RYR2: variants seen among roughly 807,000 people sequenced by gnomAD.
RYR2 encodes the protein cardiac muscle ryanodine receptor-calcium release channel.
RYR2 carries 227 observed loss-of-function variants against 601.1 expected under a neutral mutation model. The observed-to-expected ratio is 0.38, with a 90% CI of 0.34 to 0.42. RYR2 has a LOEUF of 0.42. RYR2 is among the 10% of genes least tolerant of loss of function. The probability of loss-of-function intolerance (pLI) is 1.00; values close to 1 mark genes in which losing one functional copy is unlikely to be tolerated. For missense variants in RYR2, 4,646 were observed against 6,156.5 expected (o/e 0.75, Z 8.21); for synonymous variants, 2,223 against 2,175.1 (o/e 1.02, Z -0.61).
chr1:237,061,275 TCATC>T (rs1368738837), intron 1 of RYR2, among the ~76,000 whole-genome samples: 1 of 119,772 alleles, frequency 8.3e-6, no homozygotes, highest in African/African-American at 3.2e-5. Flanking sequence ...TATCCATCTA[TCATC>T]TATCTATCTA....
In RYR2 at chr1:237,819,604, G is replaced by A. The variant is rs939206663; in HGVS notation, c.14590+412G>A. Among the ~76,000 whole-genome samples, 4 of 152,050 alleles carry A rather than the reference G, an allele frequency of 2.6e-5. No homozygotes were observed. The stretch of plus-strand genomic sequence containing the variant: ...GAGGCTGAAGGGGGATGGATCACTT[G>A]AGGTCAGGAGCTCGAGACCAGCCTG... On this transcript the variant is annotated intron_variant, in intron 101 of 104. Transcript: ENST00000366574. The surrounding 1 kb of genome is among the most constrained non-coding windows in gnomAD (Gnocchi z 4.0).
At chr1:237,407,639 C>T (rs1339226037) in intron 10 of RYR2, among the ~76,000 whole-genome samples, 15 of 136,654 alleles carry the variant, frequency 1.1e-4, no homozygotes, top group Middle Eastern at 3.9e-3. Context: ...TAAATTGAGA[C>T]GGAGTCTGGC....
intron 2 of RYR2, among the ~76,000 whole-genome samples, chr1:237,292,378 G>A (rs1025002568): frequency 2.0e-5 from 3 of 152,156 alleles, no homozygotes; most frequent in Non-Finnish European, 4.4e-5. Context: ...ATATAAATGT[G>A]TGTACAGGAA....
At chr1:237,089,625 C>T (rs1420218420) in intron 1 of RYR2, among the ~76,000 whole-genome samples, 5 of 152,138 alleles carry the variant, frequency 3.3e-5, no homozygotes, top group South Asian at 2.1e-4. Context: ...TACTTTTAGC[C>T]AATAGAATTG....
intron 1 of RYR2, among the ~76,000 whole-genome samples, chr1:237,061,236 T>C (rs1157147806): frequency 6.8e-6 from 1 of 146,564 alleles, no homozygotes; most frequent in Non-Finnish European, 1.5e-5. Flanking sequence ...TATCTATCTA[T>C]CTATCTATCT....
At chr1:237,638,522 G>C (rs1381759828) in intron 45 of RYR2, 30 bp downstream of exon 45, 1 of 1,610,648 alleles carries the variant, frequency 6.2e-7, no homozygotes, top group Non-Finnish European at 8.5e-7. Context: ...GGTCTTTTGA[G>C]TTATCATTAA....
At chr1:237,339,621 T>A (rs562093465) in intron 3 of RYR2, among the ~76,000 whole-genome samples, 91 of 152,226 alleles carry the variant, frequency 6.0e-4, no homozygotes, top group African/African-American at 2.0e-3. Flanking sequence ...ATATGGTTTT[T>A]AAAAAATCAG....
At chr1:237,181,753 G>C (rs1437002090) in intron 1 of RYR2, among the ~76,000 whole-genome samples, 1 of 152,302 alleles carries the variant, frequency 6.6e-6, no homozygotes, top group South Asian at 2.1e-4. Flanking sequence ...ATGTAAAGTA[G>C]GTTCTGTATG....
At chr1:237,568,324 T>G (rs1672309825) in intron 28 of RYR2, among the ~76,000 whole-genome samples, 1 of 152,196 alleles carries the variant, frequency 6.6e-6, no homozygotes, top group African/African-American at 2.4e-5. Flanking sequence ...TCTGGTAACG[T>G]ACCGATTCAC....
At chr1:237,046,444 A>G (rs527738356) in intron 1 of RYR2, among the ~76,000 whole-genome samples, 9 of 152,356 alleles carry the variant, frequency 5.9e-5, no homozygotes, top group African/African-American at 2.2e-4. Context: ...AAAAGATGGA[A>G]TGAGCAGTGG....
At chr1:237,250,475 A>G (rs1440944624) in intron 1 of RYR2, among the ~76,000 whole-genome samples, 1 of 152,174 alleles carries the variant, frequency 6.6e-6, no homozygotes, top group Non-Finnish European at 1.5e-5. Context: ...ATAGTCTCTC[A>G]TTTAAAGGGA....
In RYR2 at chr1:237,287,048, T is replaced by C. The variant is rs190110925; in HGVS notation, c.168+16432T>C. Among the ~76,000 whole-genome samples, 465 of 152,304 alleles carry C rather than the reference T, an allele frequency of 3.1e-3. 2 individuals are homozygous for C. Among genetic ancestry groups the C allele is most frequent in the African/African-American group, 0.01 (430 of 41,568 alleles). ...TGAATTCTCTCAGCATTTGTTTGTC[T>C]GAAAAAGACTGTATCTTTCCTTCAT... On this transcript the variant is annotated intron_variant, in intron 2 of 104. Coordinates refer to ENST00000366574, the MANE Select transcript of RYR2 (RefSeq NM_001035.3).
chr1:237,355,038 G>A (rs1451268526), intron 3 of RYR2, among the ~76,000 whole-genome samples: 2 of 152,010 alleles, frequency 1.3e-5, no homozygotes, highest in Non-Finnish European at 2.9e-5. Flanking sequence ...CCAGAGCATT[G>A]GAGATTCCTA....
In RYR2 at chr1:237,042,373, G is replaced by A; in HGVS notation, c.-149G>A. 1 of 720,944 alleles carries A rather than the reference G, an allele frequency of 1.4e-6. No homozygotes were observed. Among genetic ancestry groups the A allele is most frequent in the South Asian group, 6.9e-5 (1 of 14,560 alleles). The allele number at this position is 720,944 out of a possible 1,614,324, so 44.7% of individuals were successfully genotyped here. A position where few individuals can be genotyped will look rare whatever the true frequency, so the allele number is the denominator to read the frequency against. ...GCGCCTCCTCCTCCGCTCTGCAGGCGGGGACCGCCCGGCGCTCGGCACCCG... is the reference window on the plus strand; with the variant it reads ...GCGCCTCCTCCTCCGCTCTGCAGGCAGGGACCGCCCGGCGCTCGGCACCCG... On this transcript the variant is annotated 5_prime_UTR_variant, in exon 1 of 105. Transcript: ENST00000366574.
At chr1:237,552,730 C>T (rs983305412) in intron 27 of RYR2, among the ~76,000 whole-genome samples, 2 of 151,960 alleles carry the variant, frequency 1.3e-5, no homozygotes, top group Non-Finnish European at 2.9e-5. Flanking sequence ...TGCTCAGTGG[C>T]ATTCCTTAAA....
At chr1:237,383,836 T>C (rs1701765914) in intron 8 of RYR2, among the ~76,000 whole-genome samples, 1 of 152,174 alleles carries the variant, frequency 6.6e-6, no homozygotes, top group Non-Finnish European at 1.5e-5. Flanking sequence ...GCCCAGAGAT[T>C]GGTGCCCAAA....
rs1284985658 is a variant in RYR2 at position 237,730,296 on chromosome 1, A to G, written c.10875A>G (p.Glu3625=). 1 of 1,609,512 alleles carries G rather than the reference A, an allele frequency of 6.2e-7. No individual in the cohort carries two copies. Among genetic ancestry groups the G allele is most frequent in the South Asian group, 1.1e-5 (1 of 90,976 alleles). Residue 3625 remains glutamate, a synonymous_variant, in exon 77 of 105, where the codon GAA becomes GAG. Coordinates refer to ENST00000366574, the MANE Select transcript of RYR2 (RefSeq NM_001035.3). ...TCAATCTCTTTCTTCAGGGATATGA[A>G]AAGTCTTGGATTGAAACAGAAGAAC... is the stretch of plus-strand genomic sequence containing the variant. ...RAVNLFLQGY[E]KSWIETEEHY...
At chr1:237,316,954 G>T (rs201345846) in intron 2 of RYR2, among the ~76,000 whole-genome samples, 2 of 152,078 alleles carry the variant, frequency 1.3e-5, no homozygotes, top group East Asian at 1.9e-4. Context: ...AGTGAAGGGG[G>T]TTCGTGTGGG....
chr1:237,782,331 C>T (rs2149347671), intron 89 of RYR2, among the ~76,000 whole-genome samples: 1 of 152,112 alleles, frequency 6.6e-6, no homozygotes, highest in South Asian at 2.1e-4. Context: ...TCAGTTTCCT[C>T]CTCTGCAAAA....
Sources: allele counts gnomAD v4.1 joint callset (sites outside exome capture counted in the v4.1 genomes callset), GRCh38; gene constraint gnomAD v4.1.1; non-coding constraint Gnocchi (gnomAD v3.1); transcripts MANE v1.5; gene names NCBI Gene and HGNC (gene_info 2026-07-23, HGNC 2026-07-21).